The following BRINP3 variants were observed in gnomAD, a reference collection of about 807,000 sequenced individuals.
The protein encoded by BRINP3 is BMP/retinoic acid inducible neural specific 3, also known as BMP/retinoic acid-inducible neural-specific protein 3.
BRINP3 carries 19 observed loss-of-function variants against 71.0 expected under a neutral mutation model. The observed-to-expected ratio is 0.27, with a 90% CI of 0.19 to 0.39. The LOEUF is 0.39. Ranked by LOEUF, BRINP3 falls within the 10% of genes least tolerant of loss-of-function variation. The pLI, the probability that BRINP3 is intolerant of heterozygous loss-of-function variation, is 1.00. For missense variants in BRINP3, 959 were observed against 940.8 expected (o/e 1.02, Z -0.25); for synonymous variants, 380 against 337.7 (o/e 1.13, Z -1.37).
intron 2 of BRINP3, among the ~76,000 whole-genome samples, chr1:190,429,256 G>A (rs961732447): frequency 3.3e-5 from 5 of 152,254 alleles, no homozygotes; most frequent in East Asian, 1.9e-4. Flanking sequence ...AGGCATATGT[G>A]CAAAGATACT....
chr1:190,394,015 T>G (rs1671418787), intron 2 of BRINP3, among the ~76,000 whole-genome samples: 1 of 151,738 alleles, frequency 6.6e-6, no homozygotes, highest in East Asian at 1.9e-4. Flanking sequence ...TTTCATTATT[T>G]TATACTCAAC....
At chr1:190,424,272 G>A (rs114455248) in intron 2 of BRINP3, among the ~76,000 whole-genome samples, 1,781 of 151,484 alleles carry the variant, frequency 0.012, 38 homozygotes, top group African/African-American at 0.04. Flanking sequence ...TATTGAGGGC[G>A]GCATAAAATA....
chr1:190,102,672 T>C (rs1651802566), intron 7 of BRINP3, among the ~76,000 whole-genome samples: 1 of 151,918 alleles, frequency 6.6e-6, no homozygotes, highest in Admixed American at 6.6e-5. Context: ...TACATTATAG[T>C]GAAGGAACTA....
intron 2 of BRINP3, among the ~76,000 whole-genome samples, chr1:190,385,902 T>TA (rs1214536561): frequency 1.0e-4 from 15 of 146,558 alleles, no homozygotes; most frequent in Middle Eastern, 3.5e-3. Context: ...TATGCAGCCA[T>TA]AAAAAATGAT....
intron 2 of BRINP3, among the ~76,000 whole-genome samples, chr1:190,365,192 G>T (rs1004222559): frequency 1.3e-5 from 2 of 151,976 alleles, no homozygotes; most frequent in Admixed American, 1.3e-4. Context: ...CCTGACTCCT[G>T]AACATGAAGT....
At chr1:190,400,573 G>T (rs1441163323) in intron 2 of BRINP3, among the ~76,000 whole-genome samples, 1 of 152,076 alleles carries the variant, frequency 6.6e-6, no homozygotes, top group African/African-American at 2.4e-5. Context: ...ACATGTGATT[G>T]GTTACATCTG....
chr1:190,234,497 C>T lies in BRINP3; in HGVS notation c.619-20G>A, dbSNP rs1436888571. Reference sequence around the variant, plus strand: ...TGTTACCTGGCAAACAAAACATCAACTTTATTATCTAAATCAGACTTTACA... The same window carrying T: ...TGTTACCTGGCAAACAAAACATCAATTTTATTATCTAAATCAGACTTTACA... On this transcript the variant is annotated intron_variant, in intron 4 of 7. Coordinates refer to ENST00000367462, the MANE Select transcript of BRINP3 (RefSeq NM_199051.3). 7 of 1,556,790 alleles carry T rather than the reference C, an allele frequency of 4.5e-6. No homozygotes were observed. In the South Asian group the frequency reaches 7.8e-5, roughly 17 times the overall value.
chr1:190,258,818 T>C (rs12093349), intron 4 of BRINP3, among the ~76,000 whole-genome samples: 1 of 152,004 alleles, frequency 6.6e-6, no homozygotes, highest in Non-Finnish European at 1.5e-5. Flanking sequence ...TGATAAATGT[T>C]TGGAGGAGCC....
At chr1:190,184,486 G>A (rs757872988) in intron 6 of BRINP3, among the ~76,000 whole-genome samples, 44 of 151,976 alleles carry the variant, frequency 2.9e-4, no homozygotes, top group Admixed American at 7.9e-4. Flanking sequence ...CAACCTAAGC[G>A]CCCATTAATG....
At chr1:190,133,911 A>T (rs1360828993) in intron 7 of BRINP3, among the ~76,000 whole-genome samples, 1 of 152,102 alleles carries the variant, frequency 6.6e-6, no homozygotes, top group Non-Finnish European at 1.5e-5. Flanking sequence ...TCTGTATGTA[A>T]GTTAAAAGAA....
At chr1:190,438,160 T>C (rs1416107999) in intron 2 of BRINP3, among the ~76,000 whole-genome samples, 2 of 151,506 alleles carry the variant, frequency 1.3e-5, no homozygotes, top group East Asian at 3.9e-4. Context: ...TAAAATATTT[T>C]CCCATCCCAA....
chr1:190,408,209 T>TA (rs1672427656), intron 2 of BRINP3, among the ~76,000 whole-genome samples: 1 of 32,988 alleles, frequency 3.0e-5, no homozygotes, highest in East Asian at 1.1e-3. Flanking sequence ...ATTTATTTTT[T>TA]TTTTTTTTGT....
chr1:190,175,492 C>G (rs1195598201), intron 6 of BRINP3, among the ~76,000 whole-genome samples: 1 of 152,084 alleles, frequency 6.6e-6, no homozygotes, highest in Non-Finnish European at 1.5e-5. Context: ...AAACTAGACT[C>G]TCAATTTCCA....
intron 2 of BRINP3, among the ~76,000 whole-genome samples, chr1:190,445,573 T>A (rs543589469): frequency 6.7e-6 from 1 of 148,800 alleles, no homozygotes; most frequent in Non-Finnish European, 1.5e-5. Context: ...TAACACATAC[T>A]CACACACACA....
At chr1:190,346,420 A>AATAAT (rs1668024621) in intron 2 of BRINP3, among the ~76,000 whole-genome samples, 1 of 152,060 alleles carries the variant, frequency 6.6e-6, no homozygotes, top group Non-Finnish European at 1.5e-5. Context: ...TTTCTCTTTA[A>AATAAT]ATAATAATGT....
At chr1:190,222,963 T>C (rs1223152889) in intron 6 of BRINP3, among the ~76,000 whole-genome samples, 3 of 151,636 alleles carry the variant, frequency 2.0e-5, no homozygotes, top group African/African-American at 7.3e-5. Flanking sequence ...CTTACCAAGA[T>C]TGAACAATGA....
At chr1:190,288,076 C>T (rs1280682198) in intron 2 of BRINP3, among the ~76,000 whole-genome samples, 1 of 151,924 alleles carries the variant, frequency 6.6e-6, no homozygotes, top group Non-Finnish European at 1.5e-5. Flanking sequence ...TGTTAATGAT[C>T]TTCTCATTTG....
intron 7 of BRINP3, among the ~76,000 whole-genome samples, chr1:190,114,366 A>G (rs1230446780): frequency 6.6e-6 from 1 of 152,154 alleles, no homozygotes; most frequent in African/African-American, 2.4e-5. Flanking sequence ...AGGTATTTAT[A>G]ATAATGCAAG....
At chr1:190,250,325 A>T (rs947978484) in intron 4 of BRINP3, among the ~76,000 whole-genome samples, 18 of 152,038 alleles carry the variant, frequency 1.2e-4, no homozygotes, top group African/African-American at 4.1e-4. Flanking sequence ...CTGAGCAAAA[A>T]GTGTTCAAAT....
Sources: gnomAD v4.1 joint callset for allele counts (sites outside exome capture counted in the v4.1 genomes callset) on GRCh38, gnomAD v4.1.1 for gene constraint, MANE v1.5 for transcripts, NCBI Gene and HGNC (gene_info 2026-07-23, HGNC 2026-07-21) for gene names.